The following ERBIN variants were observed in gnomAD, a reference collection of about 807,000 sequenced individuals.
ERBIN encodes densin-180-like protein.
A neutral mutation model predicts 158.4 loss-of-function variants in ERBIN; 60 were observed. The ratio of observed to expected loss-of-function variants is 0.38; its 90% confidence interval spans 0.31 to 0.47. The LOEUF is 0.47. Ranked by LOEUF, ERBIN falls within the 20% of genes least tolerant of loss-of-function variation. The pLI, the probability that ERBIN is intolerant of heterozygous loss-of-function variation, is 0.99. For synonymous variants in ERBIN, 594 were observed against 557.2 expected (o/e 1.07, Z -0.93); for missense variants, 1,610 against 1,648.0 (o/e 0.98, Z 0.40).
intron 1 of ERBIN, among the ~76,000 whole-genome samples, chr5:65,976,931 C>G (rs1468205557): frequency 6.6e-6 from 1 of 152,184 alleles, no homozygotes; most frequent in Admixed American, 6.5e-5. Context: ...TACACAGACA[C>G]GGCAGCCATC....
At chr5:65,937,976 A>G (rs1178758248) in intron 1 of ERBIN, among the ~76,000 whole-genome samples, 1 of 152,178 alleles carries the variant, frequency 6.6e-6, no homozygotes, top group Non-Finnish European at 1.5e-5. Context: ...AGATTAATTT[A>G]GAAGATCATT....
At chr5:66,022,610 C>T (rs111279291) in intron 8 of ERBIN, among the ~76,000 whole-genome samples, 4 of 152,262 alleles carry the variant, frequency 2.6e-5, no homozygotes, top group African/African-American at 7.2e-5. Flanking sequence ...TTGAAGAGGG[C>T]AGACTTGAAG....
chr5:65,984,117 A>G (rs114220660), intron 1 of ERBIN, among the ~76,000 whole-genome samples: 1 of 142,904 alleles, frequency 7.0e-6, no homozygotes, highest in African/African-American at 3.1e-5. Context: ...AGCTGGTCCT[A>G]ACATATTGGC....
intron 1 of ERBIN, among the ~76,000 whole-genome samples, chr5:65,938,367 A>T (rs1173310934): frequency 8.1e-6 from 1 of 122,858 alleles, no homozygotes; most frequent in Non-Finnish European, 1.7e-5. Context: ...GAGCAGGCAT[A>T]GGTCTTTTTT....
At chr5:66,026,457 A>G (rs552181829) in intron 13 of ERBIN, 40 bp downstream of exon 13, 13 of 1,133,904 alleles carry the variant, frequency 1.1e-5, no homozygotes, top group East Asian at 1.0e-4. Context: ...TATAGGAGAC[A>G]TTGGTTAGAT....
chr5:65,948,305 G>A (rs1580120275), intron 1 of ERBIN, among the ~76,000 whole-genome samples: 1 of 151,882 alleles, frequency 6.6e-6, no homozygotes, highest in East Asian at 1.9e-4. Flanking sequence ...CTCCCAAGTA[G>A]CTGGGACTAC....
intron 1 of ERBIN, among the ~76,000 whole-genome samples, chr5:65,986,833 A>G (rs893879739): frequency 1.3e-5 from 2 of 152,240 alleles, no homozygotes; most frequent in Non-Finnish European, 2.9e-5. Flanking sequence ...CCACATACCA[A>G]GAAATCCAGA....
chr5:66,035,137 C>G (rs1374832976), intron 14 of ERBIN, among the ~76,000 whole-genome samples: 1 of 152,174 alleles, frequency 6.6e-6, no homozygotes, highest in Non-Finnish European at 1.5e-5. Flanking sequence ...TTGTGCTTCT[C>G]ATGGTTACCC....
At position 65,992,774 on chromosome 5, in the gene ERBIN, G is replaced by A; in HGVS notation, c.56G>A (p.Gly19Glu). 1 of 1,613,652 alleles carries A rather than the reference G, an allele frequency of 6.2e-7. No homozygotes were observed. Among genetic ancestry groups the A allele is most frequent in the Non-Finnish European group, 8.5e-7 (1 of 1,179,790 alleles). Residue 19 changes from glycine (G) to glutamate (E), a missense_variant, in exon 3 of 26, where the codon GGG becomes GAG. Coordinates refer to ENST00000284037, the MANE Select transcript of ERBIN (RefSeq NM_001253697.2). ...TTGGTACCATGTCGCTGTCTACGAG[G>A]GGAAGAGGAGACTGTCACTACTCTT... ...VRLVPCRCLR[G>E]EEETVTTLDY...
At chr5:66,073,065 A>G (rs1159872606) in intron 22 of ERBIN, among the ~76,000 whole-genome samples, 1 of 152,040 alleles carries the variant, frequency 6.6e-6, no homozygotes, top group Non-Finnish European at 1.5e-5. Context: ...CATTACATAT[A>G]TTTTGTGGCT....
At chr5:66,031,679 A>G (rs1362909675) in intron 14 of ERBIN, among the ~76,000 whole-genome samples, 1 of 152,152 alleles carries the variant, frequency 6.6e-6, no homozygotes, top group African/African-American at 2.4e-5. Context: ...AATAAATTAA[A>G]ACATTAGCCA....
At chr5:65,927,345 A>G (rs1742781354) in intron 1 of ERBIN, among the ~76,000 whole-genome samples, 1 of 152,134 alleles carries the variant, frequency 6.6e-6, no homozygotes, top group African/African-American at 2.4e-5. Context: ...AGATTTTAGA[A>G]ACCAAAAAAT....
intron 1 of ERBIN, among the ~76,000 whole-genome samples, chr5:65,943,044 T>C (rs190497978): frequency 1.4e-4 from 22 of 152,344 alleles, no homozygotes; most frequent in African/African-American, 5.1e-4. Flanking sequence ...ATTCATGCAG[T>C]ATATTTGTTA....
intron 16 of ERBIN, 91 bp from the exon 17 acceptor site, chr5:66,044,046 A>C: frequency 1.1e-6 from 1 of 900,294 alleles, no homozygotes; most frequent in Non-Finnish European, 1.6e-6. Flanking sequence ...TTGATATCTA[A>C]TGTAATTCAG....
At chr5:66,074,045 ATTT>A (rs397884229) in intron 22 of ERBIN, among the ~76,000 whole-genome samples, 951 of 91,916 alleles carry the variant, frequency 0.01, 19 homozygotes, top group African/African-American at 0.039. Flanking sequence ...TGCCCAGCTA[ATTT>A]TTTTTTTTTT....
At chr5:66,055,206 T>C in intron 21 of ERBIN, 1 of 805,406 alleles carries the variant, frequency 1.2e-6, no homozygotes, top group Non-Finnish European at 1.6e-6. Flanking sequence ...TGTCTGTCTC[T>C]TTGAGATTGT....
At chr5:66,043,749 T>G (rs1758146018) in intron 16 of ERBIN, among the ~76,000 whole-genome samples, 1 of 152,156 alleles carries the variant, frequency 6.6e-6, no homozygotes, top group Non-Finnish European at 1.5e-5. Flanking sequence ...CAGGCTGACC[T>G]TGGAAAAATA....
chr5:66,049,015 A>G (rs1340825323), intron 19 of ERBIN, among the ~76,000 whole-genome samples: 1 of 152,164 alleles, frequency 6.6e-6, no homozygotes, highest in East Asian at 1.9e-4. Context: ...CTTTACCGAC[A>G]GATAAACTTG....
At chr5:66,024,194 C>T (rs1003257478) in intron 9 of ERBIN, 112 bp from the exon 10 acceptor site, 3 of 705,580 alleles carry the variant, frequency 4.3e-6, no homozygotes, top group Non-Finnish European at 6.7e-6. Context: ...AGTCTTCTTT[C>T]TTGTATTAGC....
Sources: gnomAD v4.1 joint callset for allele counts (sites outside exome capture counted in the v4.1 genomes callset) on GRCh38, gnomAD v4.1.1 for gene constraint, MANE v1.5 for transcripts, NCBI Gene and HGNC (gene_info 2026-07-23, HGNC 2026-07-21) for gene names.